Variants in PAX7 observed in about 807,000 individuals in gnomAD.
The protein encoded by PAX7 is paired box 7.
PAX7 carries 18 observed loss-of-function variants against 50.7 expected under a neutral mutation model. The observed-to-expected ratio is 0.36, with a 90% CI of 0.25 to 0.53. PAX7 has a LOEUF of 0.53. PAX7 is among the 20% of genes least tolerant of loss of function. The pLI is 0.93. For missense variants in PAX7, 644 were observed against 702.9 expected, an observed-to-expected ratio of 0.92 and a Z score of 0.95; for synonymous variants, 310 against 290.4, an observed-to-expected ratio of 1.07 and a Z score of -0.69.
rs185621300 is a variant in PAX7 at position 18,671,062 on chromosome 1, G to A, written c.587-20692G>A. Among the ~76,000 whole-genome samples the A allele has an allele frequency of 1.1e-3, 163 of 152,144 alleles. 1 individual carries two copies. The highest frequency in any genetic ancestry group is 1.2e-3 in the Non-Finnish European group (85 of 68,010). On this transcript the variant is annotated intron_variant, in intron 4 of 8. Transcript: ENST00000420770. ...ATACCCCCTCGCTCCCTCCCTCCTC[G>A]CTAAACTTTTGAAAGACCCCTCACT...
At chr1:18,653,303 G>T (rs1401382046) in intron 4 of PAX7, among the ~76,000 whole-genome samples, 1 of 152,016 alleles carries the variant, frequency 6.6e-6, no homozygotes, top group Non-Finnish European at 1.5e-5. Flanking sequence ...TTAGTTGCAA[G>T]ATAAATATTG....
At chr1:18,689,884 G>T (rs150964432) in intron 4 of PAX7, among the ~76,000 whole-genome samples, 1 of 152,244 alleles carries the variant, frequency 6.6e-6, no homozygotes, top group African/African-American at 2.4e-5. Context: ...GTTGCGGGGA[G>T]GAGGGGGTTG....
In PAX7 at chr1:18,631,427, G is replaced by T. The variant is rs572317267; in HGVS notation, c.-177G>T. ...ACCCCCCTCCCCAGCTTCTGGACGC[G>T]TTTGACTGCAGCCAGGGGTGGGGGG... On this transcript the variant is annotated 5_prime_UTR_variant, in exon 1 of 9. Transcript: ENST00000420770. 4.9e-6 allele frequency: 3 copies of T among 611,922 alleles called. No homozygotes were observed. Among genetic ancestry groups the T allele is most frequent in the East Asian group, 5.6e-5 (2 of 35,674 alleles). 37.9% of individuals were successfully genotyped at this position (611,922 alleles called of 1,614,324 possible). A position where few individuals can be genotyped will look rare whatever the true frequency, so the allele number is the denominator to read the frequency against.
At chr1:18,640,579 T>C (rs1164101439) in intron 4 of PAX7, among the ~76,000 whole-genome samples, 2 of 151,846 alleles carry the variant, frequency 1.3e-5, no homozygotes, top group African/African-American at 4.8e-5. Flanking sequence ...ACCAACAAGT[T>C]CCCTCCTCTG....
rs375550594 is a variant in PAX7, at chr1:18,693,266, C to T, written c.786+1313C>T. On this transcript the variant is annotated intron_variant, in intron 5 of 8. Transcript: ENST00000420770. ...CATCCAAGAGGAGCCAGCCTTTGCC[C>T]GGCACCCACTTGGTGCCAGTGGCAT... 7.9e-4 allele frequency among the ~76,000 whole-genome samples: 121 copies of T among 152,298 alleles called. 1 individual carries two copies. The highest frequency in any genetic ancestry group is 6.8e-3 in the South Asian group (33 of 4,824).
chr1:18,657,266 G>A (rs1223767254), intron 4 of PAX7, among the ~76,000 whole-genome samples: 2 of 152,030 alleles, frequency 1.3e-5, no homozygotes, highest in Non-Finnish European at 2.9e-5. Context: ...GGGCTCCCAG[G>A]AGAGGGGCTG....
At chr1:18,641,361 G>A (rs1249955530) in intron 4 of PAX7, among the ~76,000 whole-genome samples, 1 of 152,250 alleles carries the variant, frequency 6.6e-6, no homozygotes, top group Non-Finnish European at 1.5e-5. Flanking sequence ...GGGAGCTGCG[G>A]AAGAGCTGAG....
intron 4 of PAX7, among the ~76,000 whole-genome samples, chr1:18,657,125 C>T (rs1403385935): frequency 6.6e-6 from 1 of 152,140 alleles, no homozygotes; most frequent in Non-Finnish European, 1.5e-5. Context: ...CCCTATTCAA[C>T]CCACGACCCC....
intron 7 of PAX7, among the ~76,000 whole-genome samples, chr1:18,708,879 G>A (rs1333123836): frequency 1.3e-5 from 2 of 152,140 alleles, no homozygotes; most frequent in Non-Finnish European, 2.9e-5. Context: ...TTGGAACAGA[G>A]CTCCAAGAGA....
At chr1:18,719,048 C>G (rs2089463439) in intron 7 of PAX7, among the ~76,000 whole-genome samples, 1 of 152,214 alleles carries the variant, frequency 6.6e-6, no homozygotes, top group African/African-American at 2.4e-5. Context: ...AAAGAGTTAA[C>G]TGGCTGTCTC....
At chr1:18,728,308 C>T (rs1341192615) in intron 7 of PAX7, among the ~76,000 whole-genome samples, 1 of 151,806 alleles carries the variant, frequency 6.6e-6, no homozygotes, top group Non-Finnish European at 1.5e-5. Context: ...TCATGGATGT[C>T]GTTCTCTGTC....
intron 7 of PAX7, among the ~76,000 whole-genome samples, chr1:18,714,571 G>T (rs1436914708): frequency 6.6e-6 from 1 of 152,220 alleles, no homozygotes; most frequent in Non-Finnish European, 1.5e-5. Context: ...TCTAGACTCT[G>T]CCTCCAAACC....
intron 4 of PAX7, among the ~76,000 whole-genome samples, chr1:18,674,430 G>A (rs1476839918): frequency 2.0e-5 from 3 of 152,208 alleles, no homozygotes; most frequent in Non-Finnish European, 4.4e-5. Context: ...GGAGAAACGG[G>A]ACTTAGGGAA....
rs185888634 is a variant in PAX7, at chr1:18,706,517, A to C, written c.1155+3221A>C. Reference sequence around the variant, plus strand: ...AAGTCTGTTGCCCAGGCTGGAGTGCAGTGGCGCGATCTTGGCTGATTGCAA... The same window carrying C: ...AAGTCTGTTGCCCAGGCTGGAGTGCCGTGGCGCGATCTTGGCTGATTGCAA... On this transcript the variant is annotated intron_variant, in intron 7 of 8. Coordinates refer to ENST00000420770, the MANE Select transcript of PAX7 (RefSeq NM_001135254.2). 1.7e-4 allele frequency among the ~76,000 whole-genome samples: 23 copies of C among 137,196 alleles called. No individual in the cohort carries two copies. The East Asian group carries it at 4.9e-3, about 29-fold the overall frequency. 90.0% of individuals were successfully genotyped at this position (137,196 alleles called of 152,430 possible). A position where few individuals can be genotyped will look rare whatever the true frequency, so the allele number is the denominator to read the frequency against.
intron 8 of PAX7, among the ~76,000 whole-genome samples, chr1:18,741,349 C>T (rs1247054718): frequency 6.6e-6 from 1 of 151,860 alleles, no homozygotes; most frequent in Non-Finnish European, 1.5e-5. Context: ...ACTTGGGAGA[C>T]TGAGGCAGGA....
In PAX7 at chr1:18,746,708, G is replaced by C. The variant is rs1392102535; in HGVS notation, c.*1779G>C. On this transcript the variant is annotated 3_prime_UTR_variant, in exon 9 of 9. Coordinates refer to ENST00000420770, the MANE Select transcript of PAX7 (RefSeq NM_001135254.2). ...TAGAGGGAAAGGGCTGCTGCTCTGG[G>C]AGTCAACCTGAGTTCCTCCCTCCTG... 3 of 231,322 alleles carry C rather than the reference G, an allele frequency of 1.3e-5. No homozygotes were observed. The East Asian group carries it at 1.8e-4, about 14-fold the overall frequency. The allele number at this position is 231,322 out of a possible 1,614,324, so 14.3% of individuals were successfully genotyped here.
intron 5 of PAX7, among the ~76,000 whole-genome samples, chr1:18,695,950 G>T (rs1466347479): frequency 1.3e-5 from 2 of 152,144 alleles, no homozygotes; most frequent in Non-Finnish European, 2.9e-5. Flanking sequence ...TTGGGGTAGG[G>T]GTGGGATGTT....
chr1:18,648,782 T>A (rs1035466347), intron 4 of PAX7, among the ~76,000 whole-genome samples: 1 of 152,126 alleles, frequency 6.6e-6, no homozygotes, highest in Non-Finnish European at 1.5e-5. Context: ...ATGGAGGATA[T>A]TTCAGTAGGG....
intron 4 of PAX7, among the ~76,000 whole-genome samples, chr1:18,673,225 C>G (rs773270343): frequency 2.0e-5 from 3 of 152,196 alleles, no homozygotes; most frequent in Non-Finnish European, 4.4e-5. Flanking sequence ...TGCCTACCAT[C>G]TCTGAGCGCT....
Sources: gnomAD v4.1 joint callset for allele counts (sites outside exome capture counted in the v4.1 genomes callset) on GRCh38, gnomAD v4.1.1 for gene constraint, MANE v1.5 for transcripts, NCBI Gene and HGNC (gene_info 2026-07-23, HGNC 2026-07-21) for gene names.